The following SLC25A53 variants were observed in gnomAD, a reference collection of about 807,000 sequenced individuals.
SLC25A53 encodes solute carrier family 25 member 53.
In SLC25A53, 5 loss-of-function variants were observed where a neutral mutation model predicts 15.0. That is an observed-to-expected ratio of 0.33 (90% CI 0.17 to 0.70). SLC25A53 has a LOEUF of 0.70. Among genes scored for constraint, SLC25A53 ranks in the 30% least tolerant of loss-of-function variants. The probability of loss-of-function intolerance (pLI) is 0.67; values close to 1 mark genes in which losing one functional copy is unlikely to be tolerated. For synonymous variants in SLC25A53, 95 were observed against 100.0 expected, an observed-to-expected ratio of 0.95 and a Z score of 0.30; for missense variants, 216 against 241.6, an observed-to-expected ratio of 0.89 and a Z score of 0.70.
At chrX:104,117,083 T>C (rs896953215) in intron 1 of SLC25A53, among the ~76,000 whole-genome samples, 2 of 86,202 alleles carry the variant, frequency 2.3e-5, no homozygotes, top group Non-Finnish European at 4.3e-5. Flanking sequence ...TCCTGCTCCA[T>C]CTGTATCCTC....
rs782718595 is a variant in SLC25A53 at position 104,131,748 on chromosome X, T to C, written c.-32+25130A>G. On this transcript the variant is annotated intron_variant, in intron 1 of 1. Coordinates refer to ENST00000594199, the MANE Select transcript of SLC25A53 (RefSeq NM_001012755.5). The stretch of plus-strand genomic sequence containing the variant: ...GTATATGCTACCTAGTTATATCAAC[T>C]ACACCTATAGCCTCATCTATCACTT... Among the ~76,000 whole-genome samples the C allele has an allele frequency of 5.4e-5, 6 of 111,479 alleles. No individual in the cohort carries two copies. The South Asian group carries it at 2.3e-3, about 42-fold the overall frequency.
intron 1 of SLC25A53, among the ~76,000 whole-genome samples, chrX:104,153,180 A>T (rs1407524848): frequency 9.0e-6 from 1 of 111,207 alleles, no homozygotes; most frequent in Non-Finnish European, 1.9e-5. Context: ...ATTCTGAGAA[A>T]TCCATCGTTA....
chrX:104,113,979 C>T, intron 1 of SLC25A53: 1 of 1,058,432 alleles, frequency 9.4e-7, no homozygotes. Flanking sequence ...ACCTTTTTTA[C>T]TTTCCTTAGA....
intron 1 of SLC25A53, among the ~76,000 whole-genome samples, chrX:104,109,112 GCA>G (rs2075326334): frequency 8.9e-6 from 1 of 111,865 alleles, no homozygotes; most frequent in Non-Finnish European, 1.9e-5. Context: ...GGGAGTGAGG[GCA>G]AGCATTCTAG....
chrX:104,129,865 T>C (rs2075421177), intron 1 of SLC25A53, among the ~76,000 whole-genome samples: 1 of 90,919 alleles, frequency 1.1e-5, no homozygotes, highest in African/African-American at 4.1e-5. Context: ...AATGTATGTG[T>C]GTGTGTGTGT....
chrX:104,125,631 G>C (rs892852861), intron 1 of SLC25A53, among the ~76,000 whole-genome samples: 5 of 111,599 alleles, frequency 4.5e-5, no homozygotes, highest in Admixed American at 1.9e-4. Flanking sequence ...AAAACTCAAG[G>C]CCCAAAAGGT....
At chrX:104,143,252 T>C (rs1015044425) in intron 1 of SLC25A53, among the ~76,000 whole-genome samples, 3 of 111,461 alleles carry the variant, frequency 2.7e-5, no homozygotes, top group African/African-American at 9.8e-5. Flanking sequence ...GAGAATGAGT[T>C]TGACAAACTG....
intron 1 of SLC25A53, chrX:104,112,385 T>G (rs1325636288): frequency 8.8e-6 from 1 of 113,939 alleles, no homozygotes; most frequent in African/African-American, 3.2e-5. Context: ...CGCGCCTGTC[T>G]GCCGCAGCCC....
chrX:104,148,578 C>T (rs112928906), intron 1 of SLC25A53, among the ~76,000 whole-genome samples: 4,123 of 110,158 alleles, frequency 0.037, 197 homozygotes, highest in African/African-American at 0.13. Flanking sequence ...CAAACTATCA[C>T]AAGGACAAAA....
At chrX:104,147,284 C>T (rs1443593205) in intron 1 of SLC25A53, among the ~76,000 whole-genome samples, 2 of 110,792 alleles carry the variant, frequency 1.8e-5, no homozygotes, top group Non-Finnish European at 3.8e-5. Flanking sequence ...CTTCCTTACA[C>T]CTTATACAAA....
chrX:104,154,002 G>A (rs920578949), intron 1 of SLC25A53, among the ~76,000 whole-genome samples: 1 of 111,843 alleles, frequency 8.9e-6, no homozygotes, highest in Admixed American at 9.5e-5. Flanking sequence ...GAATTACATC[G>A]AACTAAAATG....
At chrX:104,109,525 G>A (rs1400062470) in intron 1 of SLC25A53, among the ~76,000 whole-genome samples, 2 of 112,265 alleles carry the variant, frequency 1.8e-5, no homozygotes, top group African/African-American at 6.5e-5. Context: ...GAGATAATAG[G>A]AATAAAGGCA....
chrX:104,155,498 A>C (rs189683184), intron 1 of SLC25A53, among the ~76,000 whole-genome samples: 94 of 111,647 alleles, frequency 8.4e-4, no homozygotes, highest in Admixed American at 3.4e-3. Flanking sequence ...AGAGCCACTG[A>C]CTTAGACTGC....
chrX:104,123,332 G>C (rs782158679), intron 1 of SLC25A53, among the ~76,000 whole-genome samples: 2 of 112,531 alleles, frequency 1.8e-5, no homozygotes, highest in Non-Finnish European at 3.8e-5. Flanking sequence ...AGTTGGGGAG[G>C]TGAGTGAGGC....
chrX:104,107,370 G>A (rs2075317023), intron 1 of SLC25A53, among the ~76,000 whole-genome samples: 1 of 111,567 alleles, frequency 9.0e-6, no homozygotes, highest in Non-Finnish European at 1.9e-5. Context: ...GGACCCCTCT[G>A]CCTCTGACCC....
chrX:104,152,566 T>C (rs2075488217), intron 1 of SLC25A53, among the ~76,000 whole-genome samples: 1 of 110,704 alleles, frequency 9.0e-6, no homozygotes, highest in Non-Finnish European at 1.9e-5. Context: ...GCCTCCTGAG[T>C]ACCTGGGATT....
At chrX:104,133,869 C>G (rs2075431024) in intron 1 of SLC25A53, among the ~76,000 whole-genome samples, 1 of 111,937 alleles carries the variant, frequency 8.9e-6, no homozygotes. Context: ...AAAAGGGCCA[C>G]CAGCAGCTTC....
chrX:104,107,588 C>T (rs1214642787), intron 1 of SLC25A53, among the ~76,000 whole-genome samples: 3 of 112,441 alleles, frequency 2.7e-5, no homozygotes, highest in Non-Finnish European at 3.8e-5. Flanking sequence ...CTTACCTTCA[C>T]CTAAATAAGG....
chrX:104,104,963 A>T lies in SLC25A53; in HGVS notation c.295T>A (p.Tyr99Asn). 2.5e-6 allele frequency: 3 copies of T among 1,211,554 alleles called. No individual in the cohort carries two copies. Among genetic ancestry groups the T allele is most frequent in the Non-Finnish European group, 3.4e-6 (3 of 895,492 alleles). ...TLQGTLLFGT[Y>N]DSLLCFLSPV... ...GAGAGAAAGCACAGCAGGCTATCAT[A>T]AGTCCCAAACAGAAGAGTCCCTTGC... The change falls in exon 2 of 2, where the codon TAT becomes AAT. Residue 99 changes from tyrosine (Y) to asparagine (N), a missense_variant. Transcript: ENST00000594199.
Sources: allele counts gnomAD v4.1 joint callset (sites outside exome capture counted in the v4.1 genomes callset), GRCh38; gene constraint gnomAD v4.1.1; transcripts MANE v1.5; gene names NCBI Gene and HGNC (gene_info 2026-07-23, HGNC 2026-07-21).